ATP8B3: variants seen among roughly 807,000 people sequenced by gnomAD.
ATP8B3 encodes phospholipid-transporting ATPase IK.
In ATP8B3, 141 loss-of-function variants were observed where a neutral mutation model predicts 140.9. The ratio of observed to expected loss-of-function variants is 1.00; its 90% CI spans 0.87 to 1.15. The LOEUF (loss-of-function observed/expected upper bound fraction) is 1.15. Ranked by LOEUF, ATP8B3 falls within the 50% of genes most tolerant of loss-of-function variation. ATP8B3 has a pLI of 0.00. For synonymous variants in ATP8B3, 765 were observed against 714.6 expected (o/e 1.07, Z -1.13); for missense variants, 1,874 against 1,740.6 (o/e 1.08, Z -1.36).
chr19:1,801,029 T>C lies in ATP8B3; in HGVS notation c.1153-580A>G, dbSNP rs2068832332. 2.0e-5 allele frequency among the ~76,000 whole-genome samples: 3 copies of C among 151,260 alleles called. No homozygotes were observed. The South Asian group carries it at 6.2e-4, about 31-fold the overall frequency. On this transcript the variant is annotated intron_variant, in intron 12 of 28. Transcript: ENST00000310127. ...ATTTTTAGTAGAGACGGGGTTTCAC[T>C]GTGTTAGCCAGGATGGTCTTGATCT...
rs1600489411 is a variant in ATP8B3, at chr19:1,810,154, C to G, written c.311-420G>C. On this transcript the variant is annotated intron_variant, in intron 3 of 28. Coordinates refer to ENST00000310127, the MANE Select transcript of ATP8B3 (RefSeq NM_138813.4). ...AAATCCTGAGCCAAATCCCCCAAAC[C>G]CAGTCAGTACTAGGGTTGGAGACTA... Among the ~76,000 whole-genome samples the G allele has an allele frequency of 2.0e-5, 3 of 152,384 alleles. No individual in the cohort carries two copies. The East Asian group carries it at 5.8e-4, about 29-fold the overall frequency.
At chr19:1,796,586 G>A (rs940228907) in intron 16 of ATP8B3, 125 bp downstream of exon 16, 29 of 1,262,516 alleles carry the variant, frequency 2.3e-5, no homozygotes, top group African/African-American at 1.2e-4. Flanking sequence ...GTGTCACACC[G>A]GCCTCAGCGC....
chr19:1,796,379 G>T (rs912976163), intron 16 of ATP8B3, 114 bp from the exon 17 acceptor site: 18 of 1,071,020 alleles, frequency 1.7e-5, no homozygotes, highest in Non-Finnish European at 2.2e-5. Context: ...GGTGGCCGGG[G>T]ACCCCCGCCT....
chr19:1,806,972 C>T lies in ATP8B3; in HGVS notation c.615+196G>A, dbSNP rs1386142564. The stretch of plus-strand genomic sequence containing the variant: ...CAAAACCACGCACCGACAGAGCCAA[C>T]GCCACCTGCGGCACCTGCCCAATGT... On this transcript the variant is annotated intron_variant, in intron 6 of 28. Coordinates refer to ENST00000310127, the MANE Select transcript of ATP8B3 (RefSeq NM_138813.4). This position sits in a 1 kb window ranked among gnomAD's most constrained non-coding sequence, Gnocchi z 5.6. 6.6e-6 allele frequency among the ~76,000 whole-genome samples: 1 copy of T among 152,148 alleles called. No homozygotes were observed. Among genetic ancestry groups the T allele is most frequent in the Non-Finnish European group, 1.5e-5 (1 of 68,022 alleles).
Position 1,789,633 on chromosome 19 carries a change from C to T in ATP8B3, c.2573G>A (p.Arg858Lys). ...EAWQELGQSRRDFLYARRLSL... is the reference protein window; with the variant it reads ...EAWQELGQSRKDFLYARRLSL... ...CAGGCGCCTGGCGTAGAGGAAATCC[C>T]TCCTGGACTGGCCGAGCTCCTGCCA... is the stretch of plus-strand genomic sequence containing the variant. The change falls in exon 23 of 29, where the codon AGG becomes AAG. Residue 858 changes from arginine to lysine, a missense_variant. By Grantham distance (26) the Arg-to-Lys change is conservative. Coordinates refer to ENST00000310127, the MANE Select transcript of ATP8B3 (RefSeq NM_138813.4). The T allele has an allele frequency of 6.3e-7, 1 of 1,596,042 alleles. No individual in the cohort carries two copies. The highest frequency in any genetic ancestry group is 8.5e-7 in the Non-Finnish European group (1 of 1,174,660).
rs539151565 is a variant in ATP8B3, at chr19:1,797,898, G to A, written c.1553-893C>T. ...TAGCTCACTGCAGCCTCAACCTCCC[G>A]GGCTCAAGACATCTTCCCTCTTCAG... is the stretch of plus-strand genomic sequence containing the variant. On this transcript the variant is annotated intron_variant, in intron 14 of 28. Transcript: ENST00000310127. Among the ~76,000 whole-genome samples the A allele has an allele frequency of 9.2e-5, 14 of 152,140 alleles. No individual in the cohort carries two copies. The South Asian group carries it at 1.7e-3, about 18-fold the overall frequency.
In ATP8B3 at chr19:1,796,831, G is replaced by A. The variant is rs201003693; in HGVS notation, c.1633C>T (p.His545Tyr). The A allele has an allele frequency of 6.2e-7, 1 of 1,612,604 alleles. No homozygotes were observed. Among genetic ancestry groups the A allele is most frequent in the South Asian group, 1.1e-5 (1 of 91,066 alleles). ...NKFADGKLLF[H>Y]NAALLHLVRT... ...ACGAGGTGCAGCAGGGCCGCATTGT[G>A]GAAGAGCAGCTTCCCGTCGGCGAAC... Residue 545 changes from histidine (H) to tyrosine (Y), a missense_variant, in exon 16 of 29, where the codon CAC becomes TAC. Transcript: ENST00000310127.
rs2069127030 is a variant in ATP8B3, at chr19:1,809,555, G to T, written c.402+88C>A. 4.6e-6 allele frequency: 5 copies of T among 1,079,050 alleles called. No homozygotes were observed. In the South Asian group the frequency reaches 6.7e-5, roughly 15 times the overall value. The allele number at this position is 1,079,050 out of a possible 1,614,324, so 66.8% of individuals were successfully genotyped here. A position where few individuals can be genotyped will look rare whatever the true frequency, so the allele number is the denominator to read the frequency against. ...AACTATCGAGCAAATACAAGCAGAG[G>T]CAGGACTCAGGAGGAGCAAAAAATA... On this transcript the variant is annotated intron_variant, in intron 4 of 28. Transcript: ENST00000310127.
intron 12 of ATP8B3, among the ~76,000 whole-genome samples, chr19:1,801,597 A>T (rs1467011166): frequency 6.6e-6 from 1 of 151,998 alleles, no homozygotes; most frequent in Non-Finnish European, 1.5e-5. Context: ...CTAAAATACA[A>T]AAAAATTAGC....
At chr19:1,796,363 A>T in intron 16 of ATP8B3, 98 bp from the exon 17 acceptor site, 1 of 1,191,748 alleles carries the variant, frequency 8.4e-7, no homozygotes, top group African/African-American at 1.5e-5. Context: ...CTACACCTTT[A>T]TTGATGGTGG....
chr19:1,798,367 A>C (rs1390531489), intron 14 of ATP8B3, among the ~76,000 whole-genome samples: 1 of 151,936 alleles, frequency 6.6e-6, no homozygotes, highest in Non-Finnish European at 1.5e-5. Context: ...CACATCATCA[A>C]TTTTTGTACG....
rs1314341818 is a variant in ATP8B3, at chr19:1,794,089, G to A, written c.2055+1786C>T. On this transcript the variant is annotated intron_variant, in intron 18 of 28. Transcript: ENST00000310127. The surrounding 1 kb of genome is among the most constrained non-coding windows in gnomAD (Gnocchi z 4.8). Reference sequence around the variant, plus strand: ...GTCGCCCAGGCTGGAGTGCAGTGGTGCGATCACAGCTTGCTGTAGCCTCCA... The same window carrying A: ...GTCGCCCAGGCTGGAGTGCAGTGGTACGATCACAGCTTGCTGTAGCCTCCA... Among the ~76,000 whole-genome samples, 11 of 152,228 alleles carry A rather than the reference G, an allele frequency of 7.2e-5. No homozygotes were observed. The highest frequency in any genetic ancestry group is 2.6e-4 in the African/African-American group (11 of 41,548).
intron 25 of ATP8B3, among the ~76,000 whole-genome samples, chr19:1,786,565 CAAAA>C (rs57628690): frequency 2.7e-5 from 3 of 109,822 alleles, no homozygotes; most frequent in Admixed American, 9.6e-5. Flanking sequence ...GACCCTGTCT[CAAAA>C]AAAAAAAAAA....
rs1274955208 is a variant in ATP8B3 at position 1,807,339 on chromosome 19, C to G, written c.517-73G>C. On this transcript the variant is annotated intron_variant, in intron 5 of 28. Transcript: ENST00000310127. This position sits in a 1 kb window ranked among gnomAD's most constrained non-coding sequence, Gnocchi z 5.9. ...TCCCCTGCCCTTCCACCAAGCCGAC[C>G]TAGCCCCGCACTCGACACCACGTGA... The G allele has an allele frequency of 7.8e-7, 1 of 1,281,868 alleles. No individual in the cohort carries two copies. The highest frequency in any genetic ancestry group is 1.1e-6 in the Non-Finnish European group (1 of 892,888). The allele number at this position is 1,281,868 out of a possible 1,614,324, so 79.4% of individuals were successfully genotyped here.
At chr19:1,788,341 G>A (rs1239828736) in intron 24 of ATP8B3, among the ~76,000 whole-genome samples, 1 of 152,152 alleles carries the variant, frequency 6.6e-6, no homozygotes, top group Non-Finnish European at 1.5e-5. Context: ...CATGTGCAGT[G>A]CCTGCCCTTG....
At chr19:1,793,821 C>A (rs1568632677) in intron 18 of ATP8B3, among the ~76,000 whole-genome samples, 1 of 150,094 alleles carries the variant, frequency 6.7e-6, no homozygotes, top group Non-Finnish European at 1.5e-5. Flanking sequence ...TGGCTCACTG[C>A]AAGCTCTGCC....
intron 16 of ATP8B3, 61 bp from the exon 17 acceptor site, chr19:1,796,326 G>A: frequency 1.4e-6 from 2 of 1,432,192 alleles, no homozygotes; most frequent in Non-Finnish European, 1.9e-6. Context: ...TCTCCACAGT[G>A]CAGGGAGGAG....
chr19:1,791,389 A>AT (rs34511191), intron 20 of ATP8B3, among the ~76,000 whole-genome samples: 183 of 135,350 alleles, frequency 1.4e-3, no homozygotes, highest in South Asian at 3.4e-3. Flanking sequence ...GAGTTGCAGC[A>AT]TTTTTTTTTT....
chr19:1,806,303 C>G lies in ATP8B3; in HGVS notation c.678-134G>C. The G allele has an allele frequency of 6.7e-7, 1 of 1,485,752 alleles. No individual in the cohort carries two copies. The highest frequency in any genetic ancestry group is 8.9e-7 in the Non-Finnish European group (1 of 1,122,078). 92.0% of individuals were successfully genotyped at this position (1,485,752 alleles called of 1,614,324 possible). Reference sequence around the variant, plus strand: ...TCCGGGCCTTTGCCCCCTCAGGAAGCCTTCCCCGGGCTCCCACCCCACTCC... The same window carrying G: ...TCCGGGCCTTTGCCCCCTCAGGAAGGCTTCCCCGGGCTCCCACCCCACTCC... On this transcript the variant is annotated intron_variant, in intron 7 of 28. Coordinates refer to ENST00000310127, the MANE Select transcript of ATP8B3 (RefSeq NM_138813.4). This position sits in a 1 kb window ranked among gnomAD's most constrained non-coding sequence, Gnocchi z 5.6.
Sources: allele counts gnomAD v4.1 joint callset (sites outside exome capture counted in the v4.1 genomes callset), GRCh38; gene constraint gnomAD v4.1.1; non-coding constraint Gnocchi (gnomAD v3.1); transcripts MANE v1.5; gene names NCBI Gene and HGNC (gene_info 2026-07-23, HGNC 2026-07-21).